The following MDM4 variants were observed in gnomAD, a reference collection of about 807,000 sequenced individuals.
The protein encoded by MDM4 is MDM4 regulator of p53.
A neutral mutation model predicts 60.2 loss-of-function variants in MDM4; 2 were observed. The ratio of observed to expected loss-of-function variants is 0.03; its 90% CI spans 0.01 to 0.10. The LOEUF is 0.10. Among genes scored for constraint, MDM4 ranks in the 10% least tolerant of loss-of-function variants. The pLI is 1.00. For missense variants in MDM4, 447 were observed against 577.5 expected, an observed-to-expected ratio of 0.77 and a Z score of 2.32; for synonymous variants, 202 against 198.1, an observed-to-expected ratio of 1.02 and a Z score of -0.17.
chr1:204,529,790 C>T (rs1660677666), intron 3 of MDM4: 2 of 329,484 alleles, frequency 6.1e-6, no homozygotes, highest in Non-Finnish European at 1.1e-5. Context: ...CTTCATTTAG[C>T]ATGGCAGAGT....
At position 204,557,989 on chromosome 1, in the gene MDM4, G is replaced by C. The variant is rs1663643411; in HGVS notation, c.*8307G>C. ...ATGAGGAAAGAGGAAGGCATTTTCTGCATTCTTGCCTAGTTTTCCTTATAA... is the reference window on the plus strand; with the variant it reads ...ATGAGGAAAGAGGAAGGCATTTTCTCCATTCTTGCCTAGTTTTCCTTATAA... On this transcript the variant is annotated 3_prime_UTR_variant, in exon 11 of 11. Transcript: ENST00000367182. 1 of 185,240 alleles carries C rather than the reference G, an allele frequency of 5.4e-6. No homozygotes were observed. Among genetic ancestry groups the C allele is most frequent in the Admixed American group, 6.2e-5 (1 of 16,050 alleles). 11.5% of individuals were successfully genotyped at this position (185,240 alleles called of 1,614,324 possible). A position where few individuals can be genotyped will look rare whatever the true frequency, so the allele number is the denominator to read the frequency against.
intron 2 of MDM4, 91 bp from the exon 3 acceptor site, chr1:204,526,269 G>T: frequency 9.0e-7 from 1 of 1,106,828 alleles, no homozygotes; most frequent in East Asian, 2.6e-5. Flanking sequence ...AAACAAAAGC[G>T]GGGGGAGCTG....
chr1:204,524,013 A>C (rs1659854011), intron 1 of MDM4, among the ~76,000 whole-genome samples: 1 of 152,140 alleles, frequency 6.6e-6, no homozygotes, highest in African/African-American at 2.4e-5. Context: ...GTTACAGAAC[A>C]GGTGACTCAG....
chr1:204,552,288 A>G lies in MDM4; in HGVS notation c.*2606A>G, dbSNP rs1195605748. The G allele has an allele frequency of 6.6e-6, 1 of 151,204 alleles. No individual in the cohort carries two copies. Among genetic ancestry groups the G allele is most frequent in the Non-Finnish European group, 1.5e-5 (1 of 67,874 alleles). The allele number at this position is 151,204 out of a possible 1,614,324, so 9.4% of individuals were successfully genotyped here. A position where few individuals can be genotyped will look rare whatever the true frequency, so the allele number is the denominator to read the frequency against. On this transcript the variant is annotated 3_prime_UTR_variant, in exon 11 of 11. Coordinates refer to ENST00000367182, the MANE Select transcript of MDM4 (RefSeq NM_002393.5). The stretch of plus-strand genomic sequence containing the variant: ...AACTGTCTCAGAAAAAAGAAAAAAA[A>G]AATCGCAAAAAGAAAAATCTCATAA...
In MDM4 at chr1:204,549,768, C is replaced by A; in HGVS notation, c.*86C>A. The A allele has an allele frequency of 1.1e-6, 1 of 902,032 alleles. No homozygotes were observed. Among genetic ancestry groups the A allele is most frequent in the Non-Finnish European group, 1.6e-6 (1 of 614,686 alleles). The allele number at this position is 902,032 out of a possible 1,614,324, so 55.9% of individuals were successfully genotyped here. Reference sequence around the variant, plus strand: ...ATCCTTTATTTAATTTTATTTCCAACCTGTCAGAGAATGTTCTTAGGCATC... The same window carrying A: ...ATCCTTTATTTAATTTTATTTCCAAACTGTCAGAGAATGTTCTTAGGCATC... On this transcript the variant is annotated 3_prime_UTR_variant, in exon 11 of 11. Coordinates refer to ENST00000367182, the MANE Select transcript of MDM4 (RefSeq NM_002393.5).
chr1:204,518,291 G>T (rs966742201), intron 1 of MDM4, among the ~76,000 whole-genome samples: 3 of 152,188 alleles, frequency 2.0e-5, no homozygotes, highest in African/African-American at 7.2e-5. Flanking sequence ...GAATAGCTGG[G>T]ACTACAGGCA....
intron 7 of MDM4, among the ~76,000 whole-genome samples, chr1:204,539,949 A>C (rs1403291341): frequency 2.0e-5 from 3 of 152,172 alleles, no homozygotes; most frequent in Non-Finnish European, 4.4e-5. Flanking sequence ...ATTACAAAAA[A>C]CTGTCTTCAG....
rs1243211282 is a variant in MDM4, at chr1:204,549,725, C to T, written c.*43C>T. Reference sequence around the variant, plus strand: ...AAATGCATTTATTCCGTTCACTTACCACATTATTTGAAAATCAATCCTTTA... The same window carrying T: ...AAATGCATTTATTCCGTTCACTTACTACATTATTTGAAAATCAATCCTTTA... On this transcript the variant is annotated 3_prime_UTR_variant, in exon 11 of 11. Transcript: ENST00000367182. 2.7e-6 allele frequency: 3 copies of T among 1,101,260 alleles called. No individual in the cohort carries two copies. In the East Asian group the frequency reaches 7.4e-5, roughly 27 times the overall value. The allele number at this position is 1,101,260 out of a possible 1,614,324, so 68.2% of individuals were successfully genotyped here. A position where few individuals can be genotyped will look rare whatever the true frequency, so the allele number is the denominator to read the frequency against.
intron 5 of MDM4, among the ~76,000 whole-genome samples, chr1:204,534,032 C>G (rs1409315256): frequency 6.6e-6 from 1 of 152,032 alleles, no homozygotes; most frequent in East Asian, 1.9e-4. Flanking sequence ...GTGATTCTTC[C>G]ACTTCAGCCT....
rs1301953056 is a variant in MDM4 at position 204,553,838 on chromosome 1, A to G, written c.*4156A>G. On this transcript the variant is annotated 3_prime_UTR_variant, in exon 11 of 11. Coordinates refer to ENST00000367182, the MANE Select transcript of MDM4 (RefSeq NM_002393.5). ...ATAAAAATCTTAGACCAGATCTTTA[A>G]TATGGTATGCCATTTCCCCAGTCTA... 1.8e-5 allele frequency: 4 copies of G among 220,224 alleles called. No individual in the cohort carries two copies. Among genetic ancestry groups the G allele is most frequent in the African/African-American group, 6.7e-5 (3 of 44,654 alleles). 13.6% of individuals were successfully genotyped at this position (220,224 alleles called of 1,614,324 possible). A position where few individuals can be genotyped will look rare whatever the true frequency, so the allele number is the denominator to read the frequency against.
rs60954516 is a variant in MDM4 at position 204,523,473 on chromosome 1, ATTTTTTTTTTT to A, written c.-35-1993_-35-1983del. 7.9e-3 allele frequency among the ~76,000 whole-genome samples: 468 copies of A among 59,002 alleles called. 4 individuals are homozygous for A. The highest frequency in any genetic ancestry group is 0.03 in the African/African-American group (389 of 13,096). 38.7% of individuals were successfully genotyped at this position (59,002 alleles called of 152,430 possible). A position where few individuals can be genotyped will look rare whatever the true frequency, so the allele number is the denominator to read the frequency against. ...CAGAGCGAGACTCCACCTAAAAAAA[ATTTTTTTTTTT>A]TTTTTTTTTTTTTTTTTGCGACAGG... is the stretch of plus-strand genomic sequence containing the variant. On this transcript the variant is annotated intron_variant, in intron 1 of 10. Coordinates refer to ENST00000367182, the MANE Select transcript of MDM4 (RefSeq NM_002393.5).
rs1490583709 is a variant in MDM4 at position 204,532,237 on chromosome 1, G to A, written c.334G>A (p.Ala112Thr). Residue 112 changes from alanine (A) to threonine (T), a missense_variant, in exon 5 of 11, where the codon GCT (alanine) becomes ACT (threonine). Around this residue, in one of 8 missense-constraint regions of MDM4, gnomAD observed 23 missense variants for 22.1 expected, o/e 1.04. Coordinates refer to ENST00000367182, the MANE Select transcript of MDM4 (RefSeq NM_002393.5). ...AAAGAATCTTGTCACTTTAGCCACT[G>A]CTACTACAGGTATGTCACATCATAT... The part of the protein sequence containing the change: ...LRKNLVTLAT[A>T]TTDAAQTLAL... 3 of 1,592,186 alleles carry A rather than the reference G, an allele frequency of 1.9e-6. No individual in the cohort carries two copies. Among genetic ancestry groups the A allele is most frequent in the Non-Finnish European group, 1.7e-6 (2 of 1,160,878 alleles).
At chr1:204,535,200 T>C (rs1443523301) in intron 5 of MDM4, among the ~76,000 whole-genome samples, 3 of 148,444 alleles carry the variant, frequency 2.0e-5, no homozygotes, top group African/African-American at 5.0e-5. Flanking sequence ...CTCTGTCGCC[T>C]AGGCTGGAGT....
At position 204,556,489 on chromosome 1, in the gene MDM4, G is replaced by C. The variant is rs1174092346; in HGVS notation, c.*6807G>C. 4.5e-6 allele frequency: 1 copy of C among 219,860 alleles called. No individual in the cohort carries two copies. The highest frequency in any genetic ancestry group is 9.1e-6 in the Non-Finnish European group (1 of 109,644). 13.6% of individuals were successfully genotyped at this position (219,860 alleles called of 1,614,324 possible). A position where few individuals can be genotyped will look rare whatever the true frequency, so the allele number is the denominator to read the frequency against. Reference sequence around the variant, plus strand: ...AAGTGGGCAGATTGCTTGCGCTCTGGAGCTCGAGACCAGCCTGGGCAACAT... The same window carrying C: ...AAGTGGGCAGATTGCTTGCGCTCTGCAGCTCGAGACCAGCCTGGGCAACAT... On this transcript the variant is annotated 3_prime_UTR_variant, in exon 11 of 11. Coordinates refer to ENST00000367182, the MANE Select transcript of MDM4 (RefSeq NM_002393.5).
intron 3 of MDM4, among the ~76,000 whole-genome samples, chr1:204,526,728 G>T (rs1165961606): frequency 1.3e-5 from 2 of 152,150 alleles, no homozygotes; most frequent in Non-Finnish European, 2.9e-5. Context: ...CTCCCAAAGT[G>T]CTGGGATTAC....
Position 204,544,664 on chromosome 1 carries a change from G to A in MDM4, c.802G>A (p.Gly268Arg), listed in dbSNP as rs1662471239. 1 of 1,612,340 alleles carries A rather than the reference G, an allele frequency of 6.2e-7. No individual in the cohort carries two copies. Among genetic ancestry groups the A allele is most frequent in the African/African-American group, 1.3e-5 (1 of 74,914 alleles). ...TACTGAACAAACAAGTGAAGAAGTAGGGAAAGTAAGTGACAAAAAGGTATG... is the reference window on the plus strand; with the variant it reads ...TACTGAACAAACAAGTGAAGAAGTAAGGAAAGTAAGTGACAAAAAGGTATG... Reference protein sequence around the residue: ...ADTEQTSEEVGKVSDKKVIEV... With the variant: ...ADTEQTSEEVRKVSDKKVIEV... Residue 268 changes from glycine (G) to arginine (R), a missense_variant, in exon 9 of 11, where the codon GGG (glycine) becomes AGG (arginine). By Grantham distance (125) the Gly-to-Arg change is moderately radical. Coordinates refer to ENST00000367182, the MANE Select transcript of MDM4 (RefSeq NM_002393.5).
intron 3 of MDM4, among the ~76,000 whole-genome samples, chr1:204,528,623 T>C (rs767086467): frequency 2.0e-5 from 3 of 152,160 alleles, no homozygotes; most frequent in Non-Finnish European, 4.4e-5. Flanking sequence ...TTTCATCCTC[T>C]CCTTCATCAG....
rs1191527211 is a variant in MDM4, at chr1:204,533,808, C to T, written c.343+1562C>T. On this transcript the variant is annotated intron_variant, in intron 5 of 10. Coordinates refer to ENST00000367182, the MANE Select transcript of MDM4 (RefSeq NM_002393.5). ...TTTTTTTTTTTTTTTAAATGTAGAG[C>T]GTCTTGCTCTGTCACTCAGGCTGGA... Among the ~76,000 whole-genome samples the T allele has an allele frequency of 1.4e-4, 19 of 139,980 alleles. No homozygotes were observed. In the South Asian group the frequency reaches 3.3e-3, roughly 24 times the overall value. 91.8% of individuals were successfully genotyped at this position (139,980 alleles called of 152,430 possible).
intron 1 of MDM4, among the ~76,000 whole-genome samples, chr1:204,518,603 C>T (rs1469476128): frequency 6.6e-6 from 1 of 152,182 alleles, no homozygotes; most frequent in Non-Finnish European, 1.5e-5. Context: ...GTGAATGACC[C>T]TCTTTTAGTG....
Sources: allele counts gnomAD v4.1 joint callset (sites outside exome capture counted in the v4.1 genomes callset), GRCh38; gene constraint gnomAD v4.1.1; regional missense constraint gnomAD v4.1.1; transcripts MANE v1.5; gene names NCBI Gene and HGNC (gene_info 2026-07-23, HGNC 2026-07-21).